SLC8A1: variants seen among roughly 807,000 people sequenced by gnomAD.
SLC8A1 encodes sodium/calcium exchanger 1.
Under a neutral mutation model 68.3 loss-of-function variants are expected in SLC8A1, and 18 were observed. The observed-to-expected ratio is 0.26, with a 90% CI of 0.18 to 0.39. SLC8A1 has a LOEUF of 0.39. Among genes scored for constraint, SLC8A1 ranks in the 10% least tolerant of loss-of-function variants. The probability of loss-of-function intolerance (pLI) is 1.00; values close to 1 mark genes in which losing one functional copy is unlikely to be tolerated. For missense variants in SLC8A1, 985 were observed against 1,156.7 expected (o/e 0.85, Z 2.15); for synonymous variants, 475 against 415.5 (o/e 1.14, Z -1.74).
At chr2:40,381,508 A>C (rs938958938) in intron 2 of SLC8A1, among the ~76,000 whole-genome samples, 1 of 151,680 alleles carries the variant, frequency 6.6e-6, no homozygotes, top group Non-Finnish European at 1.5e-5. Flanking sequence ...CTTCGTCAAA[A>C]TTTTATTCAT....
At chr2:40,455,107 G>A (rs1303090546), upstream of SLC8A1, among the ~76,000 whole-genome samples, 1 of 152,144 alleles carries the variant, frequency 6.6e-6, no homozygotes, top group East Asian at 1.9e-4. Context: ...ATATCACTAA[G>A]ATTTGATATA....
intron 2 of SLC8A1, among the ~76,000 whole-genome samples, chr2:40,341,254 A>G (rs1667601513): frequency 6.6e-6 from 1 of 152,228 alleles, no homozygotes; most frequent in Admixed American, 6.5e-5. Flanking sequence ...AAAAAATCTC[A>G]AAGAGCACTA....
chr2:40,163,763 A>T (rs2046081203), intron 5 of SLC8A1, among the ~76,000 whole-genome samples: 1 of 152,180 alleles, frequency 6.6e-6, no homozygotes, highest in Non-Finnish European at 1.5e-5. Flanking sequence ...AAAAAGATTA[A>T]TTGCATTTTT....
intron 6 of SLC8A1, among the ~76,000 whole-genome samples, chr2:40,148,122 T>A (rs444624): frequency 6.6e-6 from 1 of 152,204 alleles, no homozygotes; most frequent in Non-Finnish European, 1.5e-5. Flanking sequence ...AAAGTGTAAT[T>A]GGGAAATGTC....
At chr2:40,157,895 G>T (rs1454998828) in intron 6 of SLC8A1, among the ~76,000 whole-genome samples, 1 of 152,124 alleles carries the variant, frequency 6.6e-6, no homozygotes, top group East Asian at 1.9e-4. Flanking sequence ...GGAATTAAAA[G>T]AACTGGGTTG....
intron 2 of SLC8A1, among the ~76,000 whole-genome samples, chr2:40,283,631 A>AT (rs2067832345): frequency 6.6e-6 from 1 of 152,162 alleles, no homozygotes; most frequent in Admixed American, 6.6e-5. Context: ...ACATTGCTTA[A>AT]TTTTTTCTTG....
At chr2:40,509,260 C>T (rs1378355160) in intron 1 of SLC8A1, among the ~76,000 whole-genome samples, 1 of 152,084 alleles carries the variant, frequency 6.6e-6, no homozygotes, top group Admixed American at 6.6e-5. Flanking sequence ...CCTTCACCTT[C>T]CAATGATTGA....
chr2:40,329,486 TAA>T (rs1379330800), intron 2 of SLC8A1, among the ~76,000 whole-genome samples: 1 of 152,248 alleles, frequency 6.6e-6, no homozygotes, highest in Non-Finnish European at 1.5e-5. Flanking sequence ...GATCTCTTGC[TAA>T]ACCTGAAAGT....
At chr2:40,251,700 G>A (rs2062777583) in intron 2 of SLC8A1, 1 of 152,228 alleles carries the variant, frequency 6.6e-6, no homozygotes, top group Non-Finnish European at 1.5e-5. Flanking sequence ...GCAGTGACTG[G>A]AAGCTGGGAG....
chr2:40,509,089 C>A (rs1267229139), intron 1 of SLC8A1, among the ~76,000 whole-genome samples: 1 of 152,154 alleles, frequency 6.6e-6, no homozygotes. Context: ...ACTTCACAGA[C>A]CTTAAAACTA....
At chr2:40,469,161 C>G (rs975047555) in intron 1 of SLC8A1, among the ~76,000 whole-genome samples, 1 of 152,116 alleles carries the variant, frequency 6.6e-6, no homozygotes, top group African/African-American at 2.4e-5. Context: ...AAAGCATTAA[C>G]TATGTTTGCA....
At chr2:40,337,237 G>A (rs1365964635) in intron 2 of SLC8A1, 1 of 277,526 alleles carries the variant, frequency 3.6e-6, no homozygotes, top group South Asian at 3.1e-5. Flanking sequence ...TTTTGAAATG[G>A]TATTTTGATA....
chr2:40,116,379 T>C (rs537447960), intron 7 of SLC8A1, among the ~76,000 whole-genome samples: 159 of 152,296 alleles, frequency 1.0e-3, no homozygotes, highest in African/African-American at 3.5e-3. Flanking sequence ...TAGTTACATA[T>C]GTATACATGT....
At chr2:40,374,144 A>G in intron 2 of SLC8A1, among the ~76,000 whole-genome samples, 1 of 152,214 alleles carries the variant, frequency 6.6e-6, no homozygotes, top group Non-Finnish European at 1.5e-5. Flanking sequence ...GAGCTCTTTA[A>G]AGCCAAAAGT....
At chr2:40,222,383 G>A (rs1378117698) in intron 2 of SLC8A1, among the ~76,000 whole-genome samples, 2 of 152,092 alleles carry the variant, frequency 1.3e-5, no homozygotes, top group Non-Finnish European at 2.9e-5. Context: ...ACTCAAGATG[G>A]ATTAAAGACT....
At chr2:40,335,214 C>T (rs1665570268) in intron 2 of SLC8A1, among the ~76,000 whole-genome samples, 2 of 152,118 alleles carry the variant, frequency 1.3e-5, no homozygotes. Context: ...GCTTTCTTTT[C>T]TATCATTTTA....
At chr2:40,263,840 T>C (rs1311025029) in intron 2 of SLC8A1, among the ~76,000 whole-genome samples, 1 of 152,004 alleles carries the variant, frequency 6.6e-6, no homozygotes, top group African/African-American at 2.4e-5. Flanking sequence ...AAAGCCAAAA[T>C]TGACAAATGG....
chr2:40,147,163 C>G (rs72935277), intron 6 of SLC8A1, among the ~76,000 whole-genome samples: 2 of 152,232 alleles, frequency 1.3e-5, no homozygotes, highest in East Asian at 3.9e-4. Flanking sequence ...TAGCTCCATG[C>G]AAGTTCGATT....
chr2:40,232,889 G>A (rs201335108), intron 2 of SLC8A1, among the ~76,000 whole-genome samples: 1 of 143,592 alleles, frequency 7.0e-6, no homozygotes, highest in Non-Finnish European at 1.5e-5. Flanking sequence ...GAGAATGATG[G>A]TTTCCAATTT....
Sources: gnomAD v4.1 joint callset for allele counts (sites outside exome capture counted in the v4.1 genomes callset) on GRCh38, gnomAD v4.1.1 for gene constraint, MANE v1.5 for transcripts, NCBI Gene and HGNC (gene_info 2026-07-23, HGNC 2026-07-21) for gene names.